The following NR1I2 variants were observed in gnomAD, a reference collection of about 807,000 sequenced individuals.
NR1I2 encodes orphan nuclear receptor PAR1.
NR1I2 carries 42 observed loss-of-function variants against 43.3 expected under a neutral mutation model. The ratio of observed to expected loss-of-function variants is 0.97; its 90% CI spans 0.76 to 1.26. The LOEUF (loss-of-function observed/expected upper bound fraction) is 1.26, where lower values mean the gene tolerates loss of function less well. Among genes scored for constraint, NR1I2 ranks in the 50% most tolerant of loss-of-function variants. NR1I2 has a pLI of 0.00. For missense variants in NR1I2, 559 were observed against 566.7 expected (o/e 0.99, Z 0.14); for synonymous variants, 229 against 215.0 (o/e 1.06, Z -0.57).
At chr3:119,798,639 C>CAGAAA (rs1553717552) in intron 1 of NR1I2, among the ~76,000 whole-genome samples, 1 of 121,646 alleles carries the variant, frequency 8.2e-6, no homozygotes, top group Admixed American at 8.7e-5. Context: ...GACTCCGTCT[C>CAGAAA]AAAAAAAAAA....
At chr3:119,811,287 C>T (rs2055237111) in intron 3 of NR1I2, 1 of 449,766 alleles carries the variant, frequency 2.2e-6, no homozygotes, top group African/African-American at 1.9e-5. Flanking sequence ...GCCAGGGCCC[C>T]ACAGTGTCCT....
At chr3:119,813,220 G>A (rs1381152042) in intron 5 of NR1I2, among the ~76,000 whole-genome samples, 1 of 152,222 alleles carries the variant, frequency 6.6e-6, no homozygotes, top group Non-Finnish European at 1.5e-5. Flanking sequence ...CTCCCCTGCA[G>A]GGCTGTTCTG....
chr3:119,790,514 A>C (rs1577269674), intron 1 of NR1I2, among the ~76,000 whole-genome samples: 1 of 152,162 alleles, frequency 6.6e-6, no homozygotes, highest in Non-Finnish European at 1.5e-5. Context: ...CCATTTTTAC[A>C]TTCCTACCAC....
chr3:119,792,216 C>A, intron 1 of NR1I2: 1 of 1,498,766 alleles, frequency 6.7e-7, no homozygotes. Flanking sequence ...AGTGGTGGCT[C>A]GCTTTGATGC....
intron 1 of NR1I2, among the ~76,000 whole-genome samples, chr3:119,800,782 G>T (rs1256742953): frequency 6.6e-6 from 1 of 152,230 alleles, no homozygotes; most frequent in Non-Finnish European, 1.5e-5. Flanking sequence ...GGGTCTTAGG[G>T]AATCACTTCC....
In NR1I2 at chr3:119,812,812, CG is replaced by C. The variant is rs1559790718; in HGVS notation, c.652del (p.Glu218ArgfsTer59). The stretch of plus-strand genomic sequence containing the variant: ...CTCTTTGAAGGTCTCTCTGCAGCTG[CG>C]GGGGGAGGATGGCAGTGTCTGGAAC... On this transcript the variant is annotated frameshift_variant, in exon 5 of 9. Coordinates refer to ENST00000393716, the MANE Select transcript of NR1I2 (RefSeq NM_003889.4). LOFTEE classifies it high-confidence loss of function. The C allele has an allele frequency of 3.1e-6, 5 of 1,614,200 alleles. No individual in the cohort carries two copies. The highest frequency in any genetic ancestry group is 4.2e-6 in the Non-Finnish European group (5 of 1,180,040).
At chr3:119,807,492 A>T in intron 2 of NR1I2, 45 bp downstream of exon 2, 3 of 1,541,136 alleles carry the variant, frequency 1.9e-6, no homozygotes, top group Non-Finnish European at 2.7e-6. Flanking sequence ...CCACTGACCC[A>T]CTGGGTAACG....
rs779539907 is a variant in NR1I2 at position 119,817,278 on chromosome 3, C to T, written c.*66C>T. The T allele has an allele frequency of 2.3e-4, 371 of 1,607,182 alleles. 1 individual carries two copies. Among genetic ancestry groups the T allele is most frequent in the Non-Finnish European group, 3.0e-4 (355 of 1,179,438 alleles). On this transcript the variant is annotated 3_prime_UTR_variant, in exon 9 of 9. Transcript: ENST00000393716. ...CCAGAGCCCTCTGAGCCGCCACTCC[C>T]GGGCCAAGACAGATGGACACTGCCA...
Position 119,782,116 on chromosome 3 carries a change from A to T in NR1I2, c.-207A>T, listed in dbSNP as rs1320106524. On this transcript the variant is annotated 5_prime_UTR_variant, in exon 1 of 9. Coordinates refer to ENST00000393716, the MANE Select transcript of NR1I2 (RefSeq NM_003889.4). ...GAAGCACTGCCTTTACTTCAGTGGG[A>T]ATCTCGGCCTCAGCCTGCAAGCCAA... 6.6e-6 allele frequency: 1 copy of T among 152,390 alleles called. No homozygotes were observed. Among genetic ancestry groups the T allele is most frequent in the African/African-American group, 2.4e-5 (1 of 41,434 alleles). The allele number at this position is 152,390 out of a possible 1,614,324, so 9.4% of individuals were successfully genotyped here. A position where few individuals can be genotyped will look rare whatever the true frequency, so the allele number is the denominator to read the frequency against.
At chr3:119,802,986 G>C in intron 1 of NR1I2, 1 of 456,626 alleles carries the variant, frequency 2.2e-6, no homozygotes, top group South Asian at 1.5e-5. Context: ...ACTTTGGGGG[G>C]TGATTGGGTC....
intron 1 of NR1I2, among the ~76,000 whole-genome samples, chr3:119,794,585 A>G (rs1382714303): frequency 6.6e-6 from 1 of 151,074 alleles, no homozygotes; most frequent in Non-Finnish European, 1.5e-5. Flanking sequence ...TCAGCCTCCC[A>G]AAGTGCTGAC....
chr3:119,783,755 A>G (rs35576922), intron 1 of NR1I2, among the ~76,000 whole-genome samples: 53,624 of 151,998 alleles, frequency 0.35, 9,788 homozygotes, highest in Middle Eastern at 0.44. Flanking sequence ...AAAAGTACTT[A>G]GTGTGATATA....
intron 1 of NR1I2, among the ~76,000 whole-genome samples, chr3:119,788,369 C>G (rs886466170): frequency 6.6e-6 from 1 of 152,246 alleles, no homozygotes; most frequent in Non-Finnish European, 1.5e-5. Flanking sequence ...CCTCCTGCCT[C>G]AGCCCCCCTA....
At chr3:119,815,527 A>T in intron 7 of NR1I2, 88 bp downstream of exon 7, 1 of 1,202,858 alleles carries the variant, frequency 8.3e-7, no homozygotes, top group Non-Finnish European at 1.2e-6. Context: ...CTTGCTCCTC[A>T]TTCACTGCGC....
intron 1 of NR1I2, among the ~76,000 whole-genome samples, chr3:119,790,632 C>T (rs961554456): frequency 1.3e-5 from 2 of 152,138 alleles, no homozygotes; most frequent in Admixed American, 1.3e-4. Flanking sequence ...TATGGTTTCC[C>T]TTTGCATTTG....
At chr3:119,815,551 G>A in intron 7 of NR1I2, 112 bp downstream of exon 7, 2 of 1,072,074 alleles carry the variant, frequency 1.9e-6, no homozygotes, top group South Asian at 2.6e-5. Context: ...CAGGATGGGG[G>A]CTCTCGCTGG....
intron 2 of NR1I2, among the ~76,000 whole-genome samples, chr3:119,809,175 A>C (rs527286152): frequency 1.1e-4 from 17 of 152,282 alleles, no homozygotes; most frequent in Admixed American, 3.3e-4. Context: ...GCCAGAGCCA[A>C]GGGAGAGATT....
intron 1 of NR1I2, among the ~76,000 whole-genome samples, chr3:119,787,172 C>T (rs1289457139): frequency 6.6e-6 from 1 of 151,916 alleles, no homozygotes; most frequent in East Asian, 1.9e-4. Flanking sequence ...CCTGTAATTC[C>T]AGCTACTTGG....
Position 119,817,466 on chromosome 3 carries a change from G to A in NR1I2, c.*254G>A. On this transcript the variant is annotated 3_prime_UTR_variant, in exon 9 of 9. Coordinates refer to ENST00000393716, the MANE Select transcript of NR1I2 (RefSeq NM_003889.4). The stretch of plus-strand genomic sequence containing the variant: ...GGAGAGTGCACTGACCTGTAGGTCA[G>A]GACCATCAGAGAGGCAAGGTTGCCC... 7.4e-7 allele frequency: 1 copy of A among 1,355,180 alleles called. No individual in the cohort carries two copies. Among genetic ancestry groups the A allele is most frequent in the Non-Finnish European group, 9.5e-7 (1 of 1,048,154 alleles). The allele number at this position is 1,355,180 out of a possible 1,614,324, so 83.9% of individuals were successfully genotyped here. A position where few individuals can be genotyped will look rare whatever the true frequency, so the allele number is the denominator to read the frequency against.
Sources: gnomAD v4.1 joint callset for allele counts (sites outside exome capture counted in the v4.1 genomes callset) on GRCh38, gnomAD v4.1.1 for gene constraint, MANE v1.5 for transcripts, NCBI Gene and HGNC (gene_info 2026-07-23, HGNC 2026-07-21) for gene names.